Variants in FRMPD3 observed in about 807,000 individuals in gnomAD.
The protein encoded by FRMPD3 is FERM and PDZ domain-containing protein 3.
FRMPD3 carries 42 observed loss-of-function variants against 97.9 expected under a neutral mutation model. The observed-to-expected ratio is 0.43, with a 90% CI of 0.34 to 0.55. The LOEUF (loss-of-function observed/expected upper bound fraction) is 0.55. Ranked by LOEUF, FRMPD3 falls within the 20% of genes least tolerant of loss-of-function variation. FRMPD3 has a pLI of 0.03. For synonymous variants in FRMPD3, 577 were observed against 581.1 expected, an observed-to-expected ratio of 0.99 and a Z score of 0.10; for missense variants, 1,303 against 1,457.7, an observed-to-expected ratio of 0.89 and a Z score of 1.73.
intron 6 of FRMPD3, 145 bp downstream of exon 6, chrX:107,550,301 G>A: frequency 2.2e-6 from 1 of 454,574 alleles, no homozygotes; most frequent in South Asian, 3.5e-5. Context: ...TTAGCACAAG[G>A]CTGCAAAAAT....
At chrX:107,529,533 C>T (rs904173297) in intron 2 of FRMPD3, among the ~76,000 whole-genome samples, 4 of 110,197 alleles carry the variant, frequency 3.6e-5, no homozygotes, top group Admixed American at 9.7e-5. Context: ...TACAGTGAGC[C>T]GAGATCACGC....
chrX:107,511,156 T>C (rs1602765548), intron 1 of FRMPD3, among the ~76,000 whole-genome samples: 1 of 111,957 alleles, frequency 8.9e-6, no homozygotes, highest in Middle Eastern at 4.6e-3. Context: ...GAGCCAGACA[T>C]GAGAGAGGGA....
chrX:107,486,613 A>G (rs752852554), intron 1 of FRMPD3, among the ~76,000 whole-genome samples: 5 of 112,209 alleles, frequency 4.5e-5, no homozygotes, highest in Non-Finnish European at 9.4e-5. Flanking sequence ...TTCTTTTGCC[A>G]TTGAAAGTTC....
intron 13 of FRMPD3, among the ~76,000 whole-genome samples, chrX:107,590,252 A>G (rs1452623916): frequency 1.8e-5 from 2 of 112,386 alleles, no homozygotes. Flanking sequence ...GATGTCTTAT[A>G]TTTCATCTTA....
At chrX:107,595,832 G>A (rs1430198396) in intron 13 of FRMPD3, among the ~76,000 whole-genome samples, 1 of 108,993 alleles carries the variant, frequency 9.2e-6, no homozygotes, top group African/African-American at 3.3e-5. Context: ...TGGCTACTCG[G>A]GAGGCTGAGG....
In FRMPD3 at chrX:107,449,898, T is replaced by TGCC. The variant is rs895928073; in HGVS notation, c.-94_-92dup. Among the ~76,000 whole-genome samples the TGCC allele has an allele frequency of 1.4e-4, 15 of 107,662 alleles. No homozygotes were observed. The highest frequency in any genetic ancestry group is 1.8e-4 in the Non-Finnish European group (9 of 51,404). 93.5% of individuals were successfully genotyped at this position (107,662 alleles called of 115,157 possible). A position where few individuals can be genotyped will look rare whatever the true frequency, so the allele number is the denominator to read the frequency against. On this transcript the variant is annotated 5_prime_UTR_variant, in exon 1 of 15. Coordinates refer to ENST00000683843, the MANE Select transcript of FRMPD3 (RefSeq NM_001388459.1). ...GGGGGCACGGGTGCCCTAGTCCCGC[T>TGCC]GCCGCCGCCGCCGCCGCCGCCGCTG...
intron 4 of FRMPD3, among the ~76,000 whole-genome samples, chrX:107,543,893 T>C (rs979913436): frequency 9.0e-6 from 1 of 110,581 alleles, no homozygotes; most frequent in African/African-American, 3.3e-5. Context: ...GAATTGAAAT[T>C]AGTATGCCAA....
At chrX:107,500,173 G>A (rs1921870422) in intron 1 of FRMPD3, among the ~76,000 whole-genome samples, 4 of 111,697 alleles carry the variant, frequency 3.6e-5, no homozygotes, top group African/African-American at 1.3e-4. Context: ...CCCATGATGA[G>A]GGTATGGAAA....
intron 1 of FRMPD3, among the ~76,000 whole-genome samples, chrX:107,478,979 C>T (rs1921270929): frequency 8.9e-6 from 1 of 111,824 alleles, no homozygotes; most frequent in African/African-American, 3.3e-5. Context: ...CTCCACCCCA[C>T]CCCCGAACCA....
At chrX:107,522,410 A>T (rs1162582524) in intron 1 of FRMPD3, 1 of 557,873 alleles carries the variant, frequency 1.8e-6, no homozygotes, top group Admixed American at 2.2e-5. Context: ...CTGGGCTAGG[A>T]CGTAGAGTGC....
Position 107,603,231 on chromosome X carries a change from A to G in FRMPD3, c.5192A>G (p.Gln1731Arg). The G allele has an allele frequency of 8.7e-7, 1 of 1,155,317 alleles. No homozygotes were observed. The highest frequency in any genetic ancestry group is 1.2e-6 in the Non-Finnish European group (1 of 867,971). The change falls in exon 15 of 15, where the codon CAG becomes CGG. Residue 1731 changes from glutamine (Q) to arginine (R), a missense_variant. Around this residue, in one of 3 missense-constraint regions of FRMPD3, gnomAD observed 764 missense variants for 820.2 expected, o/e 0.93. Transcript: ENST00000683843. The stretch of plus-strand genomic sequence containing the variant: ...CAACAGCAGCAGCAGCAACAACAAC[A>G]GCAGCAGCAACAACAACAGCAGCAG... The part of the protein sequence containing the change: ...QQQQQQQQQQ[Q>R]QQQQQQQQQQ...
At chrX:107,460,036 G>T (rs1022370618) in intron 1 of FRMPD3, among the ~76,000 whole-genome samples, 8 of 111,867 alleles carry the variant, frequency 7.2e-5, no homozygotes, top group African/African-American at 2.6e-4. Context: ...CAGGGGTGGT[G>T]GTTGGTGGCT....
intron 1 of FRMPD3, among the ~76,000 whole-genome samples, chrX:107,517,977 G>A (rs1339667492): frequency 9.1e-6 from 1 of 110,459 alleles, no homozygotes; most frequent in African/African-American, 3.3e-5. Context: ...ATGCAGGCAT[G>A]GAGAATTGAG....
At chrX:107,501,730 G>A (rs1220073243) in intron 1 of FRMPD3, among the ~76,000 whole-genome samples, 1 of 106,031 alleles carries the variant, frequency 9.4e-6, no homozygotes, top group East Asian at 3.0e-4. Context: ...CTCAGTTGGG[G>A]CCTCAAAGGG....
chrX:107,591,469 T>G (rs927121451), intron 13 of FRMPD3, among the ~76,000 whole-genome samples: 1 of 112,449 alleles, frequency 8.9e-6, no homozygotes, highest in African/African-American at 3.2e-5. Context: ...AGTTGTATAT[T>G]TCTAAGAATT....
intron 12 of FRMPD3, among the ~76,000 whole-genome samples, chrX:107,565,702 A>AT (rs927815427): frequency 9.0e-6 from 1 of 110,660 alleles, no homozygotes; most frequent in African/African-American, 3.3e-5. Context: ...CTCAAAAAAA[A>AT]AAAATAAAAT....
chrX:107,450,417 C>T (rs1931262018), intron 1 of FRMPD3, among the ~76,000 whole-genome samples: 1 of 111,202 alleles, frequency 9.0e-6, no homozygotes, highest in South Asian at 3.9e-4. Context: ...AAGCCCGAGC[C>T]CAGGGGCTGC....
chrX:107,455,217 T>C (rs1284878692), intron 1 of FRMPD3, among the ~76,000 whole-genome samples: 1 of 111,734 alleles, frequency 8.9e-6, no homozygotes, highest in Non-Finnish European at 1.9e-5. Context: ...CTGATCATTT[T>C]AGACTAAAGT....
rs1288508797 is a variant in FRMPD3 at position 107,602,280 on chromosome X, C to T, written c.4241C>T (p.Pro1414Leu). Residue 1414 changes from proline (P) to leucine (L), a missense_variant, in exon 15 of 15, where the codon CCA becomes CTA. By Grantham distance (98) the Pro-to-Leu change is moderately conservative (BLOSUM62 -3). Around this residue, in one of 3 missense-constraint regions of FRMPD3, gnomAD observed 764 missense variants for 820.2 expected, o/e 0.93. Transcript: ENST00000683843. ...DRASLTSDVY[P>L]HPPLGMLPRE... ...GCCTCGCTGACCTCGGATGTCTACC[C>T]ACATCCTCCCCTGGGCATGCTGCCC... 1.7e-6 allele frequency: 2 copies of T among 1,207,222 alleles called. No homozygotes were observed. Among genetic ancestry groups the T allele is most frequent in the Non-Finnish European group, 2.2e-6 (2 of 894,006 alleles).
Sources: allele counts gnomAD v4.1 joint callset (sites outside exome capture counted in the v4.1 genomes callset), GRCh38; gene constraint gnomAD v4.1.1; regional missense constraint gnomAD v4.1.1; transcripts MANE v1.5; gene names NCBI Gene and HGNC (gene_info 2026-07-23, HGNC 2026-07-21).